The following SGPP2 variants were observed in gnomAD, a reference collection of about 807,000 sequenced individuals.
SGPP2 encodes the protein sphingosine 1-phosphate phosphohydrolase 2.
SGPP2 carries 30 observed loss-of-function variants against 33.9 expected under a neutral mutation model. The ratio of observed to expected loss-of-function variants is 0.89; its 90% CI spans 0.66 to 1.20. The LOEUF is 1.20. Ranked by LOEUF, SGPP2 falls within the 50% of genes most tolerant of loss-of-function variation. The pLI is 0.00. For synonymous variants in SGPP2, 233 were observed against 225.0 expected (o/e 1.04, Z -0.32); for missense variants, 458 against 532.1 (o/e 0.86, Z 1.37).
At position 222,476,205 on chromosome 2, in the gene SGPP2, T is replaced by C. The variant is rs1697930188; in HGVS notation, c.378+1479T>C. Among the ~76,000 whole-genome samples, 1 of 152,272 alleles carries C rather than the reference T, an allele frequency of 6.6e-6. No homozygotes were observed. Among genetic ancestry groups the C allele is most frequent in the African/African-American group, 2.4e-5 (1 of 41,536 alleles). ...CTTTCCTATGGTGAGCATTATGTTTTCTCATTTGTAGAACAAGTAGAATGG... is the reference window on the plus strand; with the variant it reads ...CTTTCCTATGGTGAGCATTATGTTTCCTCATTTGTAGAACAAGTAGAATGG... On this transcript the variant is annotated intron_variant, in intron 2 of 4. Transcript: ENST00000321276. The surrounding 1 kb of genome is among the most constrained non-coding windows in gnomAD (Gnocchi z 4.3).
At chr2:222,437,521 G>A (rs555523856) in intron 1 of SGPP2, among the ~76,000 whole-genome samples, 23 of 152,336 alleles carry the variant, frequency 1.5e-4, no homozygotes, top group African/African-American at 3.8e-4. Context: ...GAGGCCATCG[G>A]TGCAGGCTGG....
intron 2 of SGPP2, among the ~76,000 whole-genome samples, chr2:222,514,560 G>T (rs1372986022): frequency 2.6e-5 from 4 of 152,174 alleles, no homozygotes; most frequent in Non-Finnish European, 5.9e-5. Flanking sequence ...CTACACAGTA[G>T]TTATGGCCTT....
chr2:222,505,061 G>T (rs138878611), intron 2 of SGPP2, among the ~76,000 whole-genome samples: 25 of 152,312 alleles, frequency 1.6e-4, no homozygotes, highest in African/African-American at 5.1e-4. Context: ...TGATAGCAAA[G>T]AATTTATACA....
intron 4 of SGPP2, among the ~76,000 whole-genome samples, chr2:222,528,456 ATATCT>A (rs1698792829): frequency 6.6e-6 from 1 of 152,184 alleles, no homozygotes; most frequent in Admixed American, 6.5e-5. Flanking sequence ...TGTACATATA[ATATCT>A]TAATTTAGAA....
rs144349694 is a variant in SGPP2 at position 222,477,267 on chromosome 2, G to A, written c.378+2541G>A. ...TATACATGTATGTGAGTATATAGGT[G>A]TATATGTATGTGTGTATGGGTGTGT... On this transcript the variant is annotated intron_variant, in intron 2 of 4. Coordinates refer to ENST00000321276, the MANE Select transcript of SGPP2 (RefSeq NM_152386.4). This position sits in a 1 kb window ranked among gnomAD's most constrained non-coding sequence, Gnocchi z 6.0. 1.1e-3 allele frequency among the ~76,000 whole-genome samples: 173 copies of A among 151,176 alleles called. 1 individual carries two copies. The highest frequency in any genetic ancestry group is 2.1e-3 in the Non-Finnish European group (142 of 67,756).
chr2:222,490,482 G>A (rs1698180177), intron 2 of SGPP2, among the ~76,000 whole-genome samples: 2 of 152,156 alleles, frequency 1.3e-5, no homozygotes, highest in South Asian at 4.1e-4. Flanking sequence ...AGGCTAGAGT[G>A]CAGTGGTGCA....
chr2:222,559,160 C>CCA lies in SGPP2; in HGVS notation c.*262_*263insCA, dbSNP rs1689481215. ...TCCGGATCTTTAAAGGCACACACCG[C>CCA]GCCCCCCCCCCCCCCGCCCGGCCCC... On this transcript the variant is annotated 3_prime_UTR_variant, in exon 5 of 5. Coordinates refer to ENST00000321276, the MANE Select transcript of SGPP2 (RefSeq NM_152386.4). The CCA allele has an allele frequency of 1.1e-4, 9 of 83,320 alleles. No individual in the cohort carries two copies. Among genetic ancestry groups the CCA allele is most frequent in the African/African-American group, 7.6e-4 (8 of 10,538 alleles). 5.2% of individuals were successfully genotyped at this position (83,320 alleles called of 1,614,324 possible).
At chr2:222,464,805 G>A (rs1225022114) in intron 1 of SGPP2, among the ~76,000 whole-genome samples, 1 of 152,162 alleles carries the variant, frequency 6.6e-6, no homozygotes, top group East Asian at 1.9e-4. Context: ...TTTAAGTGAT[G>A]ATGAGACAGT....
intron 1 of SGPP2, among the ~76,000 whole-genome samples, chr2:222,469,028 T>G (rs1416796700): frequency 6.6e-6 from 1 of 152,152 alleles, no homozygotes; most frequent in Non-Finnish European, 1.5e-5. Context: ...AAAAATAAAC[T>G]AATAAATAAG....
chr2:222,510,623 A>AT (rs986075109), intron 2 of SGPP2, among the ~76,000 whole-genome samples: 24 of 152,052 alleles, frequency 1.6e-4, no homozygotes, highest in Non-Finnish European at 3.1e-4. Context: ...GGATCTTTCA[A>AT]TTTTTTTTAA....
At chr2:222,488,492 A>G (rs1698146111) in intron 2 of SGPP2, among the ~76,000 whole-genome samples, 1 of 152,192 alleles carries the variant, frequency 6.6e-6, no homozygotes, top group Non-Finnish European at 1.5e-5. Context: ...TTTATCCTAA[A>G]AGCATCTTCC....
rs113118208 is a variant in SGPP2, at chr2:222,478,267, T to TTGTGTGTGTGTGTGTG, written c.378+3555_378+3570dup. Among the ~76,000 whole-genome samples, 175 of 141,580 alleles carry TTGTGTGTGTGTGTGTG rather than the reference T, an allele frequency of 1.2e-3. 1 individual carries two copies. Among genetic ancestry groups the TTGTGTGTGTGTGTGTG allele is most frequent in the African/African-American group, 4.4e-3 (166 of 37,334 alleles). 92.9% of individuals were successfully genotyped at this position (141,580 alleles called of 152,430 possible). A position where few individuals can be genotyped will look rare whatever the true frequency, so the allele number is the denominator to read the frequency against. Reference sequence around the variant, plus strand: ...TGCATCTTCGTGTATGTGCATGCATTTGTGTGTGTGTGTGTGTGTGTGTGT... The same window carrying TTGTGTGTGTGTGTGTG: ...TGCATCTTCGTGTATGTGCATGCATTTGTGTGTGTGTGTGTGTGTGTGTGTGTGTGTGTGTGTGTGT... On this transcript the variant is annotated intron_variant, in intron 2 of 4. Coordinates refer to ENST00000321276, the MANE Select transcript of SGPP2 (RefSeq NM_152386.4).
At position 222,558,698 on chromosome 2, in the gene SGPP2, T is replaced by C. The variant is rs753832387; in HGVS notation, c.1000T>C (p.Leu334=). The C allele has an allele frequency of 3.7e-6, 6 of 1,614,080 alleles. No homozygotes were observed. In the South Asian group the frequency reaches 6.6e-5, roughly 18 times the overall value. ...GACCAAATTTGCAGTGGGAATTGTG[T>C]TGATCCTCTTGGTTCGTCAGCTTGT... ...GLTKFAVGIV[L]ILLVRQLVQN... The change falls in exon 5 of 5, where the codon TTG becomes CTG. Residue 334 remains leucine, a synonymous_variant. Transcript: ENST00000321276.
rs896240162 is a variant in SGPP2 at position 222,561,734 on chromosome 2, G to C, written c.*2836G>C. Among the ~76,000 whole-genome samples, 1 of 151,866 alleles carries C rather than the reference G, an allele frequency of 6.6e-6. No homozygotes were observed. The highest frequency in any genetic ancestry group is 1.5e-5 in the Non-Finnish European group (1 of 67,990). ...TGGTTGGTCACTTTTTAAAGTATTTGATTACTGCAACTGGAGAATGAAAAG... is the reference window on the plus strand; with the variant it reads ...TGGTTGGTCACTTTTTAAAGTATTTCATTACTGCAACTGGAGAATGAAAAG... On this transcript the variant is annotated 3_prime_UTR_variant, in exon 5 of 5. Transcript: ENST00000321276.
intron 1 of SGPP2, among the ~76,000 whole-genome samples, chr2:222,431,378 C>T (rs1381412192): frequency 1.3e-5 from 2 of 152,014 alleles, no homozygotes; most frequent in South Asian, 2.1e-4. Flanking sequence ...TGGTGGCACA[C>T]GTCTGATGTA....
intron 1 of SGPP2, among the ~76,000 whole-genome samples, chr2:222,441,345 G>T (rs774847114): frequency 6.6e-6 from 1 of 152,104 alleles, no homozygotes; most frequent in Non-Finnish European, 1.5e-5. Context: ...AATTGTAAAA[G>T]ATTTGTTCAA....
intron 4 of SGPP2, among the ~76,000 whole-genome samples, chr2:222,554,681 G>A (rs1199108108): frequency 6.6e-6 from 1 of 152,128 alleles, no homozygotes; most frequent in Non-Finnish European, 1.5e-5. Context: ...GCAGGGACAG[G>A]CGAGGAGTTG....
At chr2:222,447,727 C>T (rs1046745249) in intron 1 of SGPP2, among the ~76,000 whole-genome samples, 5 of 152,138 alleles carry the variant, frequency 3.3e-5, no homozygotes, top group African/African-American at 1.2e-4. Flanking sequence ...CTCCTGAGAA[C>T]CTAGTCATTC....
chr2:222,448,518 A>G (rs1163783395), intron 1 of SGPP2, among the ~76,000 whole-genome samples: 1 of 152,200 alleles, frequency 6.6e-6, no homozygotes, highest in Admixed American at 6.5e-5. Context: ...CCACCTGCAG[A>G]GTTTCTACTG....
Sources: allele counts gnomAD v4.1 joint callset (sites outside exome capture counted in the v4.1 genomes callset), GRCh38; gene constraint gnomAD v4.1.1; non-coding constraint Gnocchi (gnomAD v3.1); transcripts MANE v1.5; gene names NCBI Gene and HGNC (gene_info 2026-07-23, HGNC 2026-07-21).